Variants in STK16 observed in about 807,000 individuals in gnomAD.
STK16 encodes the protein serine/threonine kinase 16.
In STK16, 28 loss-of-function variants were observed where a neutral mutation model predicts 37.8. The observed-to-expected ratio is 0.74, with a 90% CI of 0.55 to 1.02. The LOEUF is 1.02. Among genes scored for constraint, STK16 ranks in the 50% least tolerant of loss-of-function variants. The probability of loss-of-function intolerance (pLI) is 0.00; values close to 1 mark genes in which losing one functional copy is unlikely to be tolerated. For missense variants in STK16, 349 were observed against 390.6 expected (o/e 0.89, Z 0.90); for synonymous variants, 134 against 155.0 (o/e 0.86, Z 1.01).
At chr2:219,247,333 C>T (rs1951558328) in intron 4 of STK16, 82 bp from the exon 5 acceptor site, 3 of 1,609,246 alleles carry the variant, frequency 1.9e-6, no homozygotes, top group African/African-American at 1.3e-5. Flanking sequence ...TCCCAAGAAA[C>T]AGCCTGTATG....
rs754954645 is a variant in STK16, at chr2:219,246,768, C to A, written c.198C>A (p.Ala66=). Residue 66 remains alanine (A), a synonymous_variant, in exon 3 of 8, where the codon GCC becomes GCA. Transcript: ENST00000396738. The surrounding 1 kb of genome is among the most constrained non-coding windows in gnomAD (Gnocchi z 4.5). ...QQDREEAQRE[A]DMHRLFNHPN... Reference sequence around the variant, plus strand: ...ACCGGGAGGAGGCCCAGCGAGAAGCCGACATGCATCGCCTCTTCAATCACC... The same window carrying A: ...ACCGGGAGGAGGCCCAGCGAGAAGCAGACATGCATCGCCTCTTCAATCACC... 5.6e-6 allele frequency: 9 copies of A among 1,614,200 alleles called. No individual in the cohort carries two copies. In the South Asian group the frequency reaches 9.9e-5, roughly 18 times the overall value.
Position 219,246,542 on chromosome 2 carries a change from T to G in STK16, c.87-115T>G. The G allele has an allele frequency of 1.3e-6, 1 of 786,484 alleles. No homozygotes were observed. The highest frequency in any genetic ancestry group is 2.2e-6 in the Non-Finnish European group (1 of 446,312). The allele number at this position is 786,484 out of a possible 1,614,324, so 48.7% of individuals were successfully genotyped here. A position where few individuals can be genotyped will look rare whatever the true frequency, so the allele number is the denominator to read the frequency against. On this transcript the variant is annotated intron_variant, in intron 2 of 7. Coordinates refer to ENST00000396738, the MANE Select transcript of STK16 (RefSeq NM_001330213.2). This position sits in a 1 kb window ranked among gnomAD's most constrained non-coding sequence, Gnocchi z 4.5. Reference sequence around the variant, plus strand: ...TTCAGATTTCTCTTAGAGCCACATCTTGGGAAGGTTTCTGCTAAATGGGAA... The same window carrying G: ...TTCAGATTTCTCTTAGAGCCACATCGTGGGAAGGTTTCTGCTAAATGGGAA...
chr2:219,247,454 G>A lies in STK16; in HGVS notation c.480G>A (p.Gly160=), dbSNP rs770787550. ...CCAATATATTGCTTGGAGATGAGGG[G>A]CAGCCAGTTTTAATGGACTTGGGTT... ...KPTNILLGDE[G]QPVLMDLGSM... The change falls in exon 5 of 8, where the codon GGG becomes GGA. Residue 160 remains glycine (G), a synonymous_variant. Coordinates refer to ENST00000396738, the MANE Select transcript of STK16 (RefSeq NM_001330213.2). 1.6e-5 allele frequency: 26 copies of A among 1,608,952 alleles called. No homozygotes were observed. The highest frequency in any genetic ancestry group is 3.3e-4 in the Middle Eastern group (2 of 6,072).
intron 5 of STK16, 21 bp downstream of exon 5, chr2:219,247,556 C>A (rs565783406): frequency 6.2e-7 from 1 of 1,614,206 alleles, no homozygotes; most frequent in Non-Finnish European, 8.5e-7. Context: ...CTCCAGGTTC[C>A]TTTTCTCACC....
chr2:219,247,544 GTC>G lies in STK16; in HGVS notation c.561+12_561+13del, dbSNP rs747242402. 29 of 1,614,084 alleles carry G rather than the reference GTC, an allele frequency of 1.8e-5. No individual in the cohort carries two copies. The African/African-American group carries it at 3.9e-4, about 22-fold the overall frequency. On this transcript the variant is annotated intron_variant, in intron 5 of 7. Coordinates refer to ENST00000396738, the MANE Select transcript of STK16 (RefSeq NM_001330213.2). Reference sequence around the variant, plus strand: ...AGGCTCTGACCCTGCAGGTAAAAGAGTCTCCAGGTTCCTTTTCTCACCTGTTC... The same window carrying G: ...AGGCTCTGACCCTGCAGGTAAAAGAGTCCAGGTTCCTTTTCTCACCTGTTC...
chr2:219,248,025 CTG>C, intron 6 of STK16, 166 bp from the exon 7 acceptor site: 1 of 1,029,628 alleles, frequency 9.7e-7, no homozygotes, highest in Non-Finnish European at 1.4e-6. Context: ...TAAACAGGGG[CTG>C]CGGAGGCCTC....
At chr2:219,248,132 G>T in intron 6 of STK16, 61 bp from the exon 7 acceptor site, 1 of 1,603,790 alleles carries the variant, frequency 6.2e-7, no homozygotes, top group Non-Finnish European at 8.5e-7. Flanking sequence ...TACCACAGAA[G>T]TAAAGGGAGA....
In STK16 at chr2:219,249,447, G is replaced by C. The variant is rs1559274750; in HGVS notation, c.*888G>C. 3.3e-5 allele frequency: 5 copies of C among 152,378 alleles called. No homozygotes were observed. In the South Asian group the frequency reaches 1.0e-3, roughly 32 times the overall value. The allele number at this position is 152,378 out of a possible 1,614,324, so 9.4% of individuals were successfully genotyped here. On this transcript the variant is annotated 3_prime_UTR_variant, in exon 8 of 8. Coordinates refer to ENST00000396738, the MANE Select transcript of STK16 (RefSeq NM_001330213.2). ...ACTCTGCTGAGTAAACAGGGGCCCT[G>C]TCTTAGCTGGGCTTCAAACCTGTTC... is the stretch of plus-strand genomic sequence containing the variant.
chr2:219,246,033 A>G lies in STK16; in HGVS notation c.34A>G (p.Thr12Ala). 1 of 1,613,916 alleles carries G rather than the reference A, an allele frequency of 6.2e-7. No individual in the cohort carries two copies. Among genetic ancestry groups the G allele is most frequent in the Non-Finnish European group, 8.5e-7 (1 of 1,179,900 alleles). ...CGCGCTGTGTGTCTGCTCTCGGGGA[A>G]CTGTCATCATTGACAATAAGCGCTA... ...GHALCVCSRG[T>A]VIIDNKRYLF... The change falls in exon 2 of 8, where the codon ACT becomes GCT. Residue 12 changes from threonine (T) to alanine (A), a missense_variant. Physicochemically the swap from Thr to Ala is moderately conservative, Grantham distance 58. Coordinates refer to ENST00000396738, the MANE Select transcript of STK16 (RefSeq NM_001330213.2). The surrounding 1 kb of genome is among the most constrained non-coding windows in gnomAD (Gnocchi z 4.5).
At position 219,247,419 on chromosome 2, in the gene STK16, T is replaced by G; in HGVS notation, c.445T>G (p.Leu149Val). Residue 149 changes from leucine to valine, a missense_variant, in exon 5 of 8, where the codon TTG becomes GTG. Leu to Val is a conservative substitution (Grantham distance 32, BLOSUM62 1). Transcript: ENST00000396738. ...IHAKGYAHRD[L>V]KPTNILLGDE... ...GTCACTTCTACTTCTCTACAGAGACTTGAAGCCCACCAATATATTGCTTGG... is the reference window on the plus strand; with the variant it reads ...GTCACTTCTACTTCTCTACAGAGACGTGAAGCCCACCAATATATTGCTTGG... 1 of 1,614,204 alleles carries G rather than the reference T, an allele frequency of 6.2e-7. No homozygotes were observed. Among genetic ancestry groups the G allele is most frequent in the African/African-American group, 1.3e-5 (1 of 75,040 alleles).
At position 219,249,189 on chromosome 2, in the gene STK16, T is replaced by C. The variant is rs1211585799; in HGVS notation, c.*630T>C. 1.3e-5 allele frequency: 2 copies of C among 152,214 alleles called. No homozygotes were observed. Among genetic ancestry groups the C allele is most frequent in the Non-Finnish European group, 2.9e-5 (2 of 68,040 alleles). 9.4% of individuals were successfully genotyped at this position (152,214 alleles called of 1,614,324 possible). ...TCCTTCACTCCTGGGGTGAGTAGCT[T>C]AGTCAAAGCTGCCTAGCCGGTTTGC... On this transcript the variant is annotated 3_prime_UTR_variant, in exon 8 of 8. Coordinates refer to ENST00000396738, the MANE Select transcript of STK16 (RefSeq NM_001330213.2).
rs529240841 is a variant in STK16 at position 219,249,691 on chromosome 2, A to G, written c.*1132A>G. On this transcript the variant is annotated 3_prime_UTR_variant, in exon 8 of 8. Coordinates refer to ENST00000396738, the MANE Select transcript of STK16 (RefSeq NM_001330213.2). ...TAGCTAGCACAGAGGCTGAGGCCAG[A>G]AAGAAATCACAAACAGAGGGGAGAT... 1.3e-5 allele frequency: 2 copies of G among 152,660 alleles called. No homozygotes were observed. The highest frequency in any genetic ancestry group is 4.1e-4 in the South Asian group (2 of 4,842). 9.5% of individuals were successfully genotyped at this position (152,660 alleles called of 1,614,324 possible). A position where few individuals can be genotyped will look rare whatever the true frequency, so the allele number is the denominator to read the frequency against.
Position 219,247,399 on chromosome 2 carries a change from T to A in STK16, c.441-16T>A. 6.2e-7 allele frequency: 1 copy of A among 1,614,116 alleles called. No homozygotes were observed. Among genetic ancestry groups the A allele is most frequent in the Non-Finnish European group, 8.5e-7 (1 of 1,180,028 alleles). ...CTGTCCAGAGATGCTCATAGGTCAC[T>A]TCTACTTCTCTACAGAGACTTGAAG... is the stretch of plus-strand genomic sequence containing the variant. On this transcript the variant is annotated splice_polypyrimidine_tract_variant and intron_variant, in intron 4 of 7. Coordinates refer to ENST00000396738, the MANE Select transcript of STK16 (RefSeq NM_001330213.2).
At position 219,247,886 on chromosome 2, in the gene STK16, A is replaced by G. The variant is rs971582305; in HGVS notation, c.657+129A>G. The stretch of plus-strand genomic sequence containing the variant: ...CCACAATATGTCCCCATCCACTTCA[A>G]CTTCCTTCCTGGGAAATGTCACTGA... On this transcript the variant is annotated intron_variant, in intron 6 of 7. Coordinates refer to ENST00000396738, the MANE Select transcript of STK16 (RefSeq NM_001330213.2). 4 of 933,702 alleles carry G rather than the reference A, an allele frequency of 4.3e-6. No homozygotes were observed. The African/African-American group carries it at 6.5e-5, about 15-fold the overall frequency. The allele number at this position is 933,702 out of a possible 1,614,324, so 57.8% of individuals were successfully genotyped here. A position where few individuals can be genotyped will look rare whatever the true frequency, so the allele number is the denominator to read the frequency against.
Position 219,248,417 on chromosome 2 carries a change from A to C in STK16, c.780-4A>C, listed in dbSNP as rs1427467420. 7 of 1,613,696 alleles carry C rather than the reference A, an allele frequency of 4.3e-6. No homozygotes were observed. Among genetic ancestry groups the C allele is most frequent in the Non-Finnish European group, 5.9e-6 (7 of 1,179,712 alleles). On this transcript the variant is annotated splice_region_variant and splice_polypyrimidine_tract_variant and intron_variant, in intron 7 of 7. Coordinates refer to ENST00000396738, the MANE Select transcript of STK16 (RefSeq NM_001330213.2). Reference sequence around the variant, plus strand: ...CCGGTCACCCTGGGCTCCTCCCTCCACAGGCATTCTTCAGCATTGCGGCAG... The same window carrying C: ...CCGGTCACCCTGGGCTCCTCCCTCCCCAGGCATTCTTCAGCATTGCGGCAG...
In STK16 at chr2:219,246,088, G is replaced by A. The variant is rs1412753940; in HGVS notation, c.86+3G>A. On this transcript the variant is annotated splice_donor_region_variant and intron_variant, in intron 2 of 7. Coordinates refer to ENST00000396738, the MANE Select transcript of STK16 (RefSeq NM_001330213.2). This position sits in a 1 kb window ranked among gnomAD's most constrained non-coding sequence, Gnocchi z 4.5. ...TTCATCCAGAAACTGGGGGAGGGGT[G>A]AGTGTTTGGAAGTCAGTTAACTAGT... 1.2e-6 allele frequency: 2 copies of A among 1,613,204 alleles called. No homozygotes were observed. Among genetic ancestry groups the A allele is most frequent in the South Asian group, 1.1e-5 (1 of 91,014 alleles).
Position 219,248,438 on chromosome 2 carries a change from G to C in STK16, c.797G>C (p.Arg266Pro), listed in dbSNP as rs373067767. The change falls in exon 8 of 8, where the codon CGG becomes CCG. Residue 266 changes from arginine (R) to proline (P), a missense_variant. Transcript: ENST00000396738. ...CTCCACAGGCATTCTTCAGCATTGC[G>C]GCAGCTCCTGAACTCGATGATGACC... ...PQSPRHSSALRQLLNSMMTVD... is the reference protein window; with the variant it reads ...PQSPRHSSALPQLLNSMMTVD... 122 of 1,613,830 alleles carry C rather than the reference G, an allele frequency of 7.6e-5. No individual in the cohort carries two copies. The highest frequency in any genetic ancestry group is 9.8e-5 in the Non-Finnish European group (116 of 1,179,940).
In STK16 at chr2:219,248,685, ATC is replaced by A. The variant is rs1951592435; in HGVS notation, c.*129_*130del. The A allele has an allele frequency of 1.6e-6, 2 of 1,233,506 alleles. No homozygotes were observed. Among genetic ancestry groups the A allele is most frequent in the South Asian group, 3.1e-5 (2 of 64,540 alleles). 76.4% of individuals were successfully genotyped at this position (1,233,506 alleles called of 1,614,324 possible). A position where few individuals can be genotyped will look rare whatever the true frequency, so the allele number is the denominator to read the frequency against. Reference sequence around the variant, plus strand: ...TGGGGGTAGCGGGGTCAGGACAATCATCTCAGTCCTGCATCTTTTCTTCTGCT... The same window carrying A: ...TGGGGGTAGCGGGGTCAGGACAATCATCAGTCCTGCATCTTTTCTTCTGCT... On this transcript the variant is annotated 3_prime_UTR_variant, in exon 8 of 8. Transcript: ENST00000396738.
rs1559273943 is a variant in STK16 at position 219,248,577 on chromosome 2, A to C, written c.*18A>C. The C allele has an allele frequency of 1.3e-6, 2 of 1,596,608 alleles. No homozygotes were observed. The highest frequency in any genetic ancestry group is 2.7e-5 in the African/African-American group (2 of 74,436). ...AAATCTGAAAAAGCAGCATGTTGAG[A>C]AGATGGCCCCTTGTGCCTTGGAAAG... On this transcript the variant is annotated 3_prime_UTR_variant, in exon 8 of 8. Transcript: ENST00000396738.
Sources: allele counts gnomAD v4.1 joint callset, GRCh38; gene constraint gnomAD v4.1.1; non-coding constraint Gnocchi (gnomAD v3.1); transcripts MANE v1.5; gene names NCBI Gene and HGNC (gene_info 2026-07-23, HGNC 2026-07-21).